ECSIT: variants seen among roughly 807,000 people sequenced by gnomAD.
ECSIT encodes the protein evolutionarily conserved signaling intermediate in Toll pathway, mitochondrial.
Under a neutral mutation model 36.8 loss-of-function variants are expected in ECSIT, and 29 were observed. The ratio of observed to expected loss-of-function variants is 0.79; its 90% CI spans 0.59 to 1.08. The LOEUF is 1.08. ECSIT is among the 50% of genes least tolerant of loss of function. ECSIT has a pLI of 0.00. For synonymous variants in ECSIT, 231 were observed against 234.8 expected (o/e 0.98, Z 0.15); for missense variants, 542 against 581.0 (o/e 0.93, Z 0.69).
chr19:11,514,515 TG>T (rs1971947962), intron 2 of ECSIT, among the ~76,000 whole-genome samples: 1 of 130,312 alleles, frequency 7.7e-6, no homozygotes, highest in African/African-American at 4.2e-5. Context: ...GGTTTTTTTT[TG>T]GGTTTTTTTT....
At chr19:11,524,171 C>T (rs573236308) in intron 1 of ECSIT, among the ~76,000 whole-genome samples, 23 of 152,146 alleles carry the variant, frequency 1.5e-4, no homozygotes, top group South Asian at 6.2e-4. Context: ...CCTCCCACCT[C>T]GGCCTCCCAA....
At chr19:11,525,882 T>G (rs939394049) in intron 1 of ECSIT, 3 of 150,012 alleles carry the variant, frequency 2.0e-5, no homozygotes, top group African/African-American at 7.4e-5. Context: ...ACCATTGCAC[T>G]CCAGCCTGGG....
At chr19:11,513,301 A>T in intron 3 of ECSIT, 22 bp from the exon 4 acceptor site, 1 of 1,595,470 alleles carries the variant, frequency 6.3e-7, no homozygotes, top group Non-Finnish European at 8.6e-7. Flanking sequence ...AGATGCAGGC[A>T]GAACCTCAGA....
At chr19:11,512,770 G>GAA (rs200946247) in intron 4 of ECSIT, among the ~76,000 whole-genome samples, 10 of 144,382 alleles carry the variant, frequency 6.9e-5, no homozygotes, top group African/African-American at 2.0e-4. Flanking sequence ...CCCTGTCTCT[G>GAA]AAAAAAAAAA....
Position 11,507,441 on chromosome 19 carries a change from C to T in ECSIT, c.1051+16G>A. ...CGAGCACACATGTGAGCCACCGCAC[C>T]TGGCCCAGTTTTTACCTTCATTGAT... is the stretch of plus-strand genomic sequence containing the variant. On this transcript the variant is annotated intron_variant, in intron 7 of 7. Transcript: ENST00000270517. The T allele has an allele frequency of 6.2e-7, 1 of 1,608,986 alleles. No individual in the cohort carries two copies. The highest frequency in any genetic ancestry group is 1.1e-5 in the South Asian group (1 of 90,962).
At chr19:11,523,429 C>T in intron 1 of ECSIT, 2 of 695,072 alleles carry the variant, frequency 2.9e-6, no homozygotes, top group African/African-American at 3.6e-5. Flanking sequence ...ACCCATAACC[C>T]ACTGCCATGG....
At chr19:11,506,472 G>A (rs766081397) in intron 7 of ECSIT, 44 bp from the exon 8 acceptor site, 7 of 1,573,724 alleles carry the variant, frequency 4.4e-6, no homozygotes, top group Non-Finnish European at 6.1e-6. Context: ...AGTGGGGGCT[G>A]CAGCGGCTAA....
At chr19:11,513,308 CAG>C (rs1421814748) in intron 3 of ECSIT, 29 bp from the exon 4 acceptor site, 1 of 1,585,486 alleles carries the variant, frequency 6.3e-7, no homozygotes, top group Non-Finnish European at 8.7e-7. Context: ...GGCAGAACCT[CAG>C]AGATGGAGGG....
chr19:11,514,831 T>C (rs946459831), intron 2 of ECSIT, among the ~76,000 whole-genome samples: 2 of 150,978 alleles, frequency 1.3e-5, no homozygotes, highest in South Asian at 4.2e-4. Flanking sequence ...TGGCCCTTTT[T>C]GCTTGTAATT....
At chr19:11,516,897 T>C (rs1198208922) in intron 2 of ECSIT, among the ~76,000 whole-genome samples, 1 of 152,012 alleles carries the variant, frequency 6.6e-6, no homozygotes, top group Non-Finnish European at 1.5e-5. Context: ...TGAATGTATG[T>C]AGTCCCAGCT....
intron 2 of ECSIT, among the ~76,000 whole-genome samples, chr19:11,516,706 C>CACACAA (rs1972006609): frequency 1.3e-5 from 2 of 148,618 alleles, no homozygotes; most frequent in Non-Finnish European, 3.0e-5. Context: ...CACACACACA[C>CACACAA]AAAACGCTAA....
chr19:11,512,780 A>C (rs1178008228), intron 4 of ECSIT, among the ~76,000 whole-genome samples: 3 of 152,010 alleles, frequency 2.0e-5, no homozygotes, highest in Non-Finnish European at 4.4e-5. Context: ...GAAAAAAAAA[A>C]ACAGTTTTTT....
chr19:11,523,322 T>G (rs1279329771), intron 1 of ECSIT: 1 of 267,612 alleles, frequency 3.7e-6, no homozygotes, highest in Non-Finnish European at 6.8e-6. Flanking sequence ...TAGTATTATA[T>G]ATATATATAA....
chr19:11,508,243 A>G (rs955851851), intron 4 of ECSIT, among the ~76,000 whole-genome samples, 195 bp from the exon 5 acceptor site: 2 of 152,232 alleles, frequency 1.3e-5, no homozygotes, highest in Admixed American at 6.5e-5. Flanking sequence ...GCTCACCCTG[A>G]GGGAACTACC....
At chr19:11,517,643 T>C (rs528213984) in intron 2 of ECSIT, among the ~76,000 whole-genome samples, 1 of 152,024 alleles carries the variant, frequency 6.6e-6, no homozygotes, top group African/African-American at 2.4e-5. Flanking sequence ...ATATAGGTGG[T>C]GTAGTATTGT....
At chr19:11,507,872 C>T (rs138965356) in intron 5 of ECSIT, 22 bp from the exon 6 acceptor site, 45 of 1,613,798 alleles carry the variant, frequency 2.8e-5, no homozygotes, top group Non-Finnish European at 3.3e-5. Flanking sequence ...ACATACATGC[C>T]CTGTGCCCTG....
In ECSIT at chr19:11,507,853, G is replaced by C; in HGVS notation, c.797-3C>G. On this transcript the variant is annotated splice_region_variant and splice_polypyrimidine_tract_variant and intron_variant, in intron 5 of 7. Transcript: ENST00000270517. ...CTGCTGATCGGGACTCTGGATTCCTGGTGTGGAGACATACATGCCCTGTGC... is the reference window on the plus strand; with the variant it reads ...CTGCTGATCGGGACTCTGGATTCCTCGTGTGGAGACATACATGCCCTGTGC... The C allele has an allele frequency of 1.2e-6, 2 of 1,613,646 alleles. No homozygotes were observed. Among genetic ancestry groups the C allele is most frequent in the African/African-American group, 1.3e-5 (1 of 75,050 alleles).
intron 2 of ECSIT, among the ~76,000 whole-genome samples, chr19:11,518,497 G>A (rs1306911521): frequency 2.0e-5 from 3 of 152,134 alleles, no homozygotes; most frequent in Non-Finnish European, 4.4e-5. Flanking sequence ...GCTGAGGTGG[G>A]AGGCTCATTT....
At chr19:11,511,747 G>T (rs2144973794) in intron 4 of ECSIT, among the ~76,000 whole-genome samples, 1 of 152,152 alleles carries the variant, frequency 6.6e-6, no homozygotes, top group East Asian at 1.9e-4. Flanking sequence ...TTATAAAAAA[G>T]GTCTTGGCCG....
Sources: allele counts gnomAD v4.1 joint callset (sites outside exome capture counted in the v4.1 genomes callset), GRCh38; gene constraint gnomAD v4.1.1; transcripts MANE v1.5; gene names NCBI Gene and HGNC (gene_info 2026-07-23, HGNC 2026-07-21).